DPM1: variants seen among roughly 807,000 people sequenced by gnomAD.
DPM1 encodes dolichol-phosphate mannosyltransferase subunit 1.
In DPM1, 27 loss-of-function variants were observed where a neutral mutation model predicts 39.0. The observed-to-expected ratio is 0.69, with a 90% CI of 0.51 to 0.95. DPM1 has a LOEUF of 0.95. Ranked by LOEUF, DPM1 falls within the 40% of genes least tolerant of loss-of-function variation. DPM1 has a pLI of 0.00. For synonymous variants in DPM1, 124 were observed against 109.0 expected, an observed-to-expected ratio of 1.14 and a Z score of -0.86; for missense variants, 307 against 315.6, an observed-to-expected ratio of 0.97 and a Z score of 0.21.
rs758717080 is a variant in DPM1, at chr20:50,941,126, C to T, written c.495-193G>A. On this transcript the variant is annotated intron_variant, in intron 6 of 8. Coordinates refer to ENST00000371588, the MANE Select transcript of DPM1 (RefSeq NM_003859.3). ...AGACCTGGCTAGGCGCGGTGGCTCACACCTGTAATCCCAGGAGGCCAAGAT... is the reference window on the plus strand; with the variant it reads ...AGACCTGGCTAGGCGCGGTGGCTCATACCTGTAATCCCAGGAGGCCAAGAT... The T allele has an allele frequency of 3.2e-5, 20 of 633,948 alleles. No homozygotes were observed. In the South Asian group the frequency reaches 3.2e-4, roughly 10 times the overall value. The allele number at this position is 633,948 out of a possible 1,614,324, so 39.3% of individuals were successfully genotyped here.
At chr20:50,941,267 T>TATATATATATATATATAA (rs1435028731) in intron 6 of DPM1, 1 of 148,768 alleles carries the variant, frequency 6.7e-6, no homozygotes. Context: ...TATATATAAA[T>TATATATATATATATATAA]AAAATACATT....
Position 50,940,935 on chromosome 20 carries a change from T to C in DPM1, c.495-2A>G, listed in dbSNP as rs1204867150. The C allele has an allele frequency of 6.2e-7, 1 of 1,613,622 alleles. No individual in the cohort carries two copies. The highest frequency in any genetic ancestry group is 2.2e-5 in the East Asian group (1 of 44,832). ...TGAGTTAAAAAATTGGCCCCACGGC[T>C]GCCAAATAAAACAATCAGATCTTCT... On this transcript the variant is annotated splice_acceptor_variant, in intron 6 of 8. Coordinates refer to ENST00000371588, the MANE Select transcript of DPM1 (RefSeq NM_003859.3). LOFTEE classifies it high-confidence loss of function.
intron 7 of DPM1, among the ~76,000 whole-genome samples, chr20:50,940,187 T>C (rs992231748): frequency 2.0e-5 from 3 of 151,578 alleles, no homozygotes; most frequent in Non-Finnish European, 4.4e-5. Flanking sequence ...AGAATCAACA[T>C]TATTTAGTGG....
At chr20:50,943,808 T>A (rs1986081698) in intron 5 of DPM1, among the ~76,000 whole-genome samples, 1 of 150,122 alleles carries the variant, frequency 6.7e-6, no homozygotes, top group Non-Finnish European at 1.5e-5. Flanking sequence ...GGCGCGATCT[T>A]GGCTCACTGC....
intron 7 of DPM1, among the ~76,000 whole-genome samples, chr20:50,937,728 G>GT (rs1199773672): frequency 6.6e-6 from 1 of 152,112 alleles, no homozygotes; most frequent in Non-Finnish European, 1.5e-5. Context: ...AGCCTCCCAA[G>GT]TAGCTGAGAC....
intron 1 of DPM1, among the ~76,000 whole-genome samples, chr20:50,957,868 C>A (rs546526734): frequency 3.3e-5 from 5 of 152,292 alleles, no homozygotes; most frequent in African/African-American, 7.2e-5. Context: ...CAGTGATCAG[C>A]GAAGATGCTC....
intron 5 of DPM1, among the ~76,000 whole-genome samples, chr20:50,943,291 T>C (rs1986013549): frequency 6.6e-6 from 1 of 152,236 alleles, no homozygotes; most frequent in Non-Finnish European, 1.5e-5. Context: ...CTCACACACC[T>C]CTGTGGTTGT....
At chr20:50,940,961 T>A in intron 6 of DPM1, 28 bp from the exon 7 acceptor site, 1 of 1,609,402 alleles carries the variant, frequency 6.2e-7, no homozygotes, top group Non-Finnish European at 8.5e-7. Context: ...CAGATCTTCT[T>A]TACAAAATAC....
chr20:50,958,195 C>G (rs1449642605), intron 1 of DPM1, among the ~76,000 whole-genome samples, 168 bp downstream of exon 1: 1 of 152,204 alleles, frequency 6.6e-6, no homozygotes, highest in Non-Finnish European at 1.5e-5. Flanking sequence ...CGAAGAAAAC[C>G]CAACAAGCAT....
At chr20:50,947,746 A>T (rs1014868283) in intron 3 of DPM1, among the ~76,000 whole-genome samples, 8 of 152,060 alleles carry the variant, frequency 5.3e-5, no homozygotes, top group African/African-American at 1.9e-4. Flanking sequence ...CTCCTGCCTC[A>T]GCCTCCCGAG....
At chr20:50,950,278 C>G (rs2123129038) in intron 2 of DPM1, among the ~76,000 whole-genome samples, 1 of 152,276 alleles carries the variant, frequency 6.6e-6, no homozygotes, top group South Asian at 2.1e-4. Flanking sequence ...AATTTTAAGT[C>G]ACAATTTGTA....
At chr20:50,946,071 C>T in intron 3 of DPM1, 148 bp from the exon 4 acceptor site, 2 of 727,036 alleles carry the variant, frequency 2.8e-6, no homozygotes, top group South Asian at 1.6e-5. Context: ...ACCTTAAGTA[C>T]ATAAGTTCAT....
intron 3 of DPM1, among the ~76,000 whole-genome samples, chr20:50,946,352 A>C (rs937956601): frequency 6.6e-6 from 1 of 152,170 alleles, no homozygotes; most frequent in Non-Finnish European, 1.5e-5. Flanking sequence ...AGAAATCTCA[A>C]AGATAACATT....
intron 6 of DPM1, chr20:50,941,344 T>TATATTC (rs1555821522): frequency 1.8e-4 from 26 of 144,154 alleles, no homozygotes; most frequent in Non-Finnish European, 3.2e-4. Context: ...ATATTCGTAT[T>TATATTC]ATATATATTC....
intron 6 of DPM1, among the ~76,000 whole-genome samples, chr20:50,941,402 TA>T: frequency 1.4e-5 from 2 of 143,578 alleles, no homozygotes; most frequent in African/African-American, 5.1e-5. Context: ...ATATTCATAT[TA>T]TATATATATA....
intron 2 of DPM1, among the ~76,000 whole-genome samples, chr20:50,951,490 A>G (rs529853064): frequency 2.0e-5 from 3 of 152,328 alleles, no homozygotes; most frequent in African/African-American, 7.2e-5. Flanking sequence ...TGGGATGCCT[A>G]TAGAAAATGT....
At chr20:50,958,312 C>T (rs768297480) in intron 1 of DPM1, 51 bp downstream of exon 1, 5 of 1,603,184 alleles carry the variant, frequency 3.1e-6, no homozygotes, top group Non-Finnish European at 1.7e-6. Flanking sequence ...ACACCCGGGC[C>T]GGGGAAGCCA....
Position 50,958,511 on chromosome 20 carries a change from C to A in DPM1, c.13G>T (p.Glu5Ter). The A allele has an allele frequency of 6.2e-7, 1 of 1,613,622 alleles. No individual in the cohort carries two copies. The highest frequency in any genetic ancestry group is 8.5e-7 in the Non-Finnish European group (1 of 1,179,978). The change falls in exon 1 of 9, where the codon GAA becomes TAA. Residue 5 changes from glutamate to a stop codon, truncating the protein, a stop_gained. Transcript: ENST00000371588. LOFTEE classifies it high-confidence loss of function. MASL[E>*]VSRSPRRSRR... is the part of the protein sequence containing the mutation. Reference sequence around the variant, plus strand: ...GACCTGCGAGGACTACGACTGACTTCCAAGGAGGCCATGGCGGAACTGAGC... The same window carrying A: ...GACCTGCGAGGACTACGACTGACTTACAAGGAGGCCATGGCGGAACTGAGC...
chr20:50,953,787 C>T (rs574798599), intron 2 of DPM1, among the ~76,000 whole-genome samples: 5 of 152,164 alleles, frequency 3.3e-5, no homozygotes, highest in African/African-American at 9.6e-5. Flanking sequence ...GTTGATGGTC[C>T]GAGATTAAAT....
Sources: gnomAD v4.1 joint callset for allele counts (sites outside exome capture counted in the v4.1 genomes callset) on GRCh38, gnomAD v4.1.1 for gene constraint, MANE v1.5 for transcripts, NCBI Gene and HGNC (gene_info 2026-07-23, HGNC 2026-07-21) for gene names.